TCF25: variants seen among roughly 807,000 people sequenced by gnomAD.
TCF25 encodes the protein ribosome quality control complex subunit TCF25.
TCF25 carries 41 observed loss-of-function variants against 83.1 expected under a neutral mutation model. That is an observed-to-expected ratio of 0.49 (90% confidence interval 0.38 to 0.64). The LOEUF is 0.64. Among genes scored for constraint, TCF25 ranks in the 30% least tolerant of loss-of-function variants. The pLI is 0.00. For synonymous variants in TCF25, 458 were observed against 365.0 expected, an observed-to-expected ratio of 1.25 and a Z score of -2.90; for missense variants, 979 against 914.5, an observed-to-expected ratio of 1.07 and a Z score of -0.91.
At chr16:89,901,340 C>T (rs894379408) in intron 12 of TCF25, among the ~76,000 whole-genome samples, 2 of 152,212 alleles carry the variant, frequency 1.3e-5, no homozygotes, top group East Asian at 3.8e-4. Flanking sequence ...GTGTGAAATC[C>T]CTCTTTAAGA....
In TCF25 at chr16:89,888,683, T is replaced by C. The variant is rs573467276; in HGVS notation, c.614+966T>C. Among the ~76,000 whole-genome samples, 8 of 150,432 alleles carry C rather than the reference T, an allele frequency of 5.3e-5. No individual in the cohort carries two copies. In the South Asian group the frequency reaches 6.3e-4, roughly 12 times the overall value. On this transcript the variant is annotated intron_variant, in intron 5 of 17. Coordinates refer to ENST00000263346, the MANE Select transcript of TCF25 (RefSeq NM_014972.3). ...AGTTTCTTTCTCTCTTTCTTTCTTTTTTTTTTTTTTTGAGGCAGATTCTTG... is the reference window on the plus strand; with the variant it reads ...AGTTTCTTTCTCTCTTTCTTTCTTTCTTTTTTTTTTTGAGGCAGATTCTTG...
In TCF25 at chr16:89,898,952, G is replaced by T. The variant is rs111967319; in HGVS notation, c.1221+80G>T. 31 of 1,370,530 alleles carry T rather than the reference G, an allele frequency of 2.3e-5. 2 individuals are homozygous for T. Among genetic ancestry groups the T allele is most frequent in the African/African-American group, 1.9e-4 (13 of 69,792 alleles). 84.9% of individuals were successfully genotyped at this position (1,370,530 alleles called of 1,614,324 possible). The stretch of plus-strand genomic sequence containing the variant: ...TGTTTTCTTGGTTCAGTATCTGTGC[G>T]CTCAGGGGACGTTTGGGGATGAAAC... On this transcript the variant is annotated intron_variant, in intron 11 of 17. Transcript: ENST00000263346.
chr16:89,878,458 T>TA (rs1341915383), intron 1 of TCF25: 4 of 1,190,616 alleles, frequency 3.4e-6, no homozygotes, highest in Non-Finnish European at 4.3e-6. Flanking sequence ...TTTTTTTTTT[T>TA]AGGAAAAATG....
chr16:89,909,788 G>A (rs988021004), intron 16 of TCF25: 2 of 152,474 alleles, frequency 1.3e-5, no homozygotes, highest in African/African-American at 4.8e-5. Context: ...GAGGGTCCTT[G>A]TGTTCCCCAG....
rs1249828731 is a variant in TCF25 at position 89,873,878 on chromosome 16, C to T, written c.192+19C>T. 2.6e-5 allele frequency: 10 copies of T among 386,204 alleles called. No individual in the cohort carries two copies. The highest frequency in any genetic ancestry group is 3.9e-5 in the African/African-American group (1 of 25,860). The allele number at this position is 386,204 out of a possible 1,614,324, so 23.9% of individuals were successfully genotyped here. ...CGAGCTGGTGAGGAGCGCGGCGGCCCGGGTGGGGGTGGGGTGGCCCTTGAC... is the reference window on the plus strand; with the variant it reads ...CGAGCTGGTGAGGAGCGCGGCGGCCTGGGTGGGGGTGGGGTGGCCCTTGAC... On this transcript the variant is annotated intron_variant, in intron 1 of 17. Transcript: ENST00000263346.
Position 89,911,360 on chromosome 16 carries a change from C to T in TCF25, c.*122C>T. 3 of 1,331,038 alleles carry T rather than the reference C, an allele frequency of 2.3e-6. No homozygotes were observed. The highest frequency in any genetic ancestry group is 3.1e-6 in the Non-Finnish European group (3 of 963,374). The allele number at this position is 1,331,038 out of a possible 1,614,324, so 82.5% of individuals were successfully genotyped here. ...GTCGCTCCCTGGTCCACTGTTTCTCCTATAAATGTAAATGGGTCACGCTCT... is the reference window on the plus strand; with the variant it reads ...GTCGCTCCCTGGTCCACTGTTTCTCTTATAAATGTAAATGGGTCACGCTCT... On this transcript the variant is annotated 3_prime_UTR_variant, in exon 18 of 18. Transcript: ENST00000263346.
chr16:89,892,326 G>C (rs1478206637), intron 6 of TCF25, 51 bp downstream of exon 6: 10 of 1,565,270 alleles, frequency 6.4e-6, no homozygotes, highest in African/African-American at 1.4e-5. Context: ...GGCGTTGTCT[G>C]TGCACTGGCC....
At position 89,895,985 on chromosome 16, in the gene TCF25, C is replaced by T. The variant is rs764717650; in HGVS notation, c.929-5C>T. On this transcript the variant is annotated splice_region_variant and splice_polypyrimidine_tract_variant and intron_variant, in intron 8 of 17. Transcript: ENST00000263346. ...CACCCTCCCCTGGCGTCCCTGTGCC[C>T]ACAGAGAGAGCGCTGTACAGCATGG... The T allele has an allele frequency of 5.0e-6, 8 of 1,613,408 alleles. No homozygotes were observed. In the African/African-American group the frequency reaches 6.7e-5, roughly 13 times the overall value.
Position 89,904,163 on chromosome 16 carries a change from G to A in TCF25, c.1427G>A (p.Ser476Asn), listed in dbSNP as rs761659738. 6.2e-7 allele frequency: 1 copy of A among 1,603,888 alleles called. No individual in the cohort carries two copies. Among genetic ancestry groups the A allele is most frequent in the South Asian group, 1.1e-5 (1 of 88,930 alleles). Residue 476 changes from serine (S) to asparagine (N), a missense_variant, in exon 13 of 18, where the codon AGC becomes AAC. By Grantham distance (46) the Ser-to-Asn change is conservative (BLOSUM62 1). Transcript: ENST00000263346. ...TCTTGCAGTGTGCGGCCCGACGCCA[G>A]CGTTTCCAGTCACCGCTTCTTTGGA... ...LESCSVRPDA[S>N]VSSHRFFGPN... is the part of the protein sequence containing the mutation.
rs377142982 is a variant in TCF25 at position 89,873,986 on chromosome 16, C to T, written c.192+127C>T. On this transcript the variant is annotated intron_variant, in intron 1 of 17. Transcript: ENST00000263346. Reference sequence around the variant, plus strand: ...GTGGGAAGGGTGACGTGGGTCCCAGCCGCAGTGGGGAGGGCGGGGCCGTGC... The same window carrying T: ...GTGGGAAGGGTGACGTGGGTCCCAGTCGCAGTGGGGAGGGCGGGGCCGTGC... 8.4e-4 allele frequency: 1,018 copies of T among 1,215,144 alleles called. 5 individuals carry two copies. In the African/African-American group the frequency reaches 0.015, roughly 18 times the overall value. 75.3% of individuals were successfully genotyped at this position (1,215,144 alleles called of 1,614,324 possible).
Position 89,906,212 on chromosome 16 carries a change from G to T in TCF25, c.1647G>T (p.Gln549His). The change falls in exon 15 of 18, where the codon CAG (glutamine) becomes CAT (histidine). Residue 549 changes from glutamine to histidine, a missense_variant. Coordinates refer to ENST00000263346, the MANE Select transcript of TCF25 (RefSeq NM_014972.3). ...GCCCTAGGCGGAAGGTGCTCTACCAGCGTGCACCCAGGAATATCCACCGCC... is the reference window on the plus strand; with the variant it reads ...GCCCTAGGCGGAAGGTGCTCTACCATCGTGCACCCAGGAATATCCACCGCC... Reference protein sequence around the residue: ...ACENRRKVLYQRAPRNIHRHV... With the variant: ...ACENRRKVLYHRAPRNIHRHV... 1 of 1,613,410 alleles carries T rather than the reference G, an allele frequency of 6.2e-7. No individual in the cohort carries two copies. The highest frequency in any genetic ancestry group is 1.3e-5 in the African/African-American group (1 of 75,068).
intron 13 of TCF25, chr16:89,904,612 G>A (rs1567734512): frequency 1.4e-5 from 7 of 506,446 alleles, no homozygotes; most frequent in Admixed American, 3.3e-5. Flanking sequence ...AGCAAACACA[G>A]GAGAAAGTGC....
At chr16:89,905,329 G>C (rs1022200783) in intron 14 of TCF25, among the ~76,000 whole-genome samples, 1 of 152,190 alleles carries the variant, frequency 6.6e-6, no homozygotes, top group African/African-American at 2.4e-5. Flanking sequence ...GTTCCCGGGT[G>C]CCTCGGGCTG....
At chr16:89,896,118 C>T (rs372050719) in intron 9 of TCF25, 35 bp downstream of exon 9, 183 of 1,592,084 alleles carry the variant, frequency 1.1e-4, no homozygotes, top group Non-Finnish European at 1.4e-4. Flanking sequence ...ACGCAGCTCC[C>T]CTTCCCTTCT....
intron 5 of TCF25, among the ~76,000 whole-genome samples, chr16:89,888,432 A>G (rs2043177146): frequency 6.6e-6 from 1 of 151,870 alleles, no homozygotes; most frequent in Admixed American, 6.6e-5. Context: ...TACTAAAAAT[A>G]CAAAAAATTA....
At chr16:89,883,321 C>A (rs373723777) in intron 1 of TCF25, 30 bp from the exon 2 acceptor site, 338 of 1,610,100 alleles carry the variant, frequency 2.1e-4, no homozygotes, top group Middle Eastern at 3.3e-4. Flanking sequence ...GTAAGTAACG[C>A]CCTGGCTCTT....
chr16:89,900,361 C>T lies in TCF25; in HGVS notation c.1222-274C>T, dbSNP rs551351978. Among the ~76,000 whole-genome samples the T allele has an allele frequency of 5.3e-5, 8 of 152,258 alleles. No homozygotes were observed. In the East Asian group the frequency reaches 1.5e-3, roughly 29 times the overall value. ...GCTCAGCTTCAGAGAGGAGCCTGGG[C>T]GGCAGGTGGGACCCTCACTCCCCAC... On this transcript the variant is annotated intron_variant, in intron 11 of 17. Transcript: ENST00000263346.
intron 1 of TCF25, among the ~76,000 whole-genome samples, chr16:89,877,044 A>G (rs1015424602): frequency 1.3e-4 from 19 of 151,710 alleles, no homozygotes; most frequent in African/African-American, 2.7e-4. Flanking sequence ...GGAGGTTGCA[A>G]TGAACTGAGA....
chr16:89,874,677 C>T (rs1462472162), intron 1 of TCF25: 1 of 152,312 alleles, frequency 6.6e-6, no homozygotes, highest in African/African-American at 2.4e-5. Flanking sequence ...AAGCCCTGGC[C>T]TCCGTCTGTA....
Sources: allele counts gnomAD v4.1 joint callset (sites outside exome capture counted in the v4.1 genomes callset), GRCh38; gene constraint gnomAD v4.1.1; transcripts MANE v1.5; gene names NCBI Gene and HGNC (gene_info 2026-07-23, HGNC 2026-07-21).